The following MNAT1 variants were observed in gnomAD, a reference collection of about 807,000 sequenced individuals.
MNAT1 encodes CDK-activating kinase assembly factor MAT1.
A neutral mutation model predicts 42.0 loss-of-function variants in MNAT1; 43 were observed. The ratio of observed to expected loss-of-function variants is 1.02; its 90% CI spans 0.80 to 1.32. MNAT1 has a LOEUF of 1.32. Ranked by LOEUF, MNAT1 falls within the 40% of genes most tolerant of loss-of-function variation. The pLI is 0.00. For missense variants in MNAT1, 306 were observed against 350.4 expected, an observed-to-expected ratio of 0.87 and a Z score of 1.01; for synonymous variants, 118 against 120.0, an observed-to-expected ratio of 0.98 and a Z score of 0.11.
Position 60,740,275 on chromosome 14 carries a change from G to A in MNAT1, c.89+5324G>A, listed in dbSNP as rs1896427358. 6.6e-6 allele frequency among the ~76,000 whole-genome samples: 1 copy of A among 152,182 alleles called. No homozygotes were observed. Among genetic ancestry groups the A allele is most frequent in the South Asian group, 2.1e-4 (1 of 4,826 alleles). Reference sequence around the variant, plus strand: ...CAAAGTACAAGATAAGCAAAATCAAGTACCTACCATCTTGATATATAAAGG... The same window carrying A: ...CAAAGTACAAGATAAGCAAAATCAAATACCTACCATCTTGATATATAAAGG... On this transcript the variant is annotated intron_variant, in intron 1 of 7. Transcript: ENST00000261245. The surrounding 1 kb of genome is among the most constrained non-coding windows in gnomAD (Gnocchi z 4.1).
chr14:60,909,231 T>A (rs1160300288), intron 7 of MNAT1, among the ~76,000 whole-genome samples: 1 of 152,202 alleles, frequency 6.6e-6, no homozygotes, highest in Non-Finnish European at 1.5e-5. Flanking sequence ...TAGCCCTTTG[T>A]CAGATGAGTA....
At chr14:60,782,252 T>TG (rs1453004124) in intron 1 of MNAT1, among the ~76,000 whole-genome samples, 6 of 152,156 alleles carry the variant, frequency 3.9e-5, no homozygotes, top group South Asian at 4.1e-4. Flanking sequence ...GGGGACCATT[T>TG]GAGGCCATTT....
intron 7 of MNAT1, among the ~76,000 whole-genome samples, chr14:60,911,466 T>TA (rs2035361638): frequency 6.6e-6 from 1 of 152,226 alleles, no homozygotes; most frequent in Admixed American, 6.5e-5. Context: ...CACTTAGTGC[T>TA]ATAAAGTTCC....
At chr14:60,848,455 A>C (rs2139412913) in intron 6 of MNAT1, among the ~76,000 whole-genome samples, 1 of 152,310 alleles carries the variant, frequency 6.6e-6, no homozygotes, top group East Asian at 1.9e-4. Flanking sequence ...TGTTTTAAAA[A>C]TAGTTACAGC....
intron 7 of MNAT1, among the ~76,000 whole-genome samples, chr14:60,908,577 G>T (rs1034619761): frequency 6.6e-6 from 1 of 151,830 alleles, no homozygotes; most frequent in Non-Finnish European, 1.5e-5. Context: ...GCGGTGTTTG[G>T]TTTTTTGTCC....
chr14:60,859,460 A>C (rs1307579203), intron 6 of MNAT1, among the ~76,000 whole-genome samples: 1 of 152,192 alleles, frequency 6.6e-6, no homozygotes, highest in East Asian at 1.9e-4. Context: ...GTCATTGTGA[A>C]AGATGTTAGT....
At chr14:60,780,051 C>G in intron 1 of MNAT1, 1 of 1,498,540 alleles carries the variant, frequency 6.7e-7, no homozygotes, top group South Asian at 1.1e-5. Context: ...GAGTTCTTCT[C>G]ATTCGGCATC....
At chr14:60,798,059 T>C (rs755060734) in intron 2 of MNAT1, 28 bp from the exon 3 acceptor site, 2 of 1,071,864 alleles carry the variant, frequency 1.9e-6, no homozygotes, top group South Asian at 1.3e-5. Flanking sequence ...ATATGTAATA[T>C]GTAGATTTCT....
chr14:60,848,121 C>G (rs924365777), intron 6 of MNAT1, among the ~76,000 whole-genome samples: 5 of 152,146 alleles, frequency 3.3e-5, no homozygotes, highest in Admixed American at 6.5e-5. Flanking sequence ...ATTCCTCAGT[C>G]TTTACCTGGG....
At chr14:60,843,748 TTTTC>T (rs1157121387) in intron 6 of MNAT1, among the ~76,000 whole-genome samples, 1 of 152,192 alleles carries the variant, frequency 6.6e-6, no homozygotes, top group African/African-American at 2.4e-5. Flanking sequence ...GTGGCTCACT[TTTTC>T]TTTTTCTTAG....
intron 7 of MNAT1, among the ~76,000 whole-genome samples, chr14:60,931,804 G>C (rs1008610730): frequency 5.9e-5 from 9 of 151,866 alleles, no homozygotes; most frequent in Non-Finnish European, 1.3e-4. Flanking sequence ...ACTCTGAAAA[G>C]AGCTGCTTAA....
chr14:60,798,060 G>A, intron 2 of MNAT1, 27 bp from the exon 3 acceptor site: 3 of 1,092,894 alleles, frequency 2.7e-6, no homozygotes, highest in Non-Finnish European at 4.2e-6. Context: ...TATGTAATAT[G>A]TAGATTTCTT....
intron 1 of MNAT1, among the ~76,000 whole-genome samples, chr14:60,758,824 AC>A (rs1343644969): frequency 6.6e-6 from 1 of 152,124 alleles, no homozygotes; most frequent in African/African-American, 2.4e-5. Context: ...GTTTTGGTTG[AC>A]CTTAAAAATG....
intron 7 of MNAT1, among the ~76,000 whole-genome samples, chr14:60,910,770 T>C (rs189501312): frequency 6.6e-6 from 1 of 152,322 alleles, no homozygotes; most frequent in African/African-American, 2.4e-5. Flanking sequence ...CTCAAGGATA[T>C]TGGTCTAAAA....
At chr14:60,942,186 A>T (rs918313829) in intron 7 of MNAT1, among the ~76,000 whole-genome samples, 9 of 152,136 alleles carry the variant, frequency 5.9e-5, no homozygotes, top group Non-Finnish European at 7.3e-5. Flanking sequence ...ATAAATGATT[A>T]CCGTTAAGTT....
In MNAT1 at chr14:60,797,314, T is replaced by C. The variant is rs114719080; in HGVS notation, c.243-773T>C. Among the ~76,000 whole-genome samples the C allele has an allele frequency of 3.4e-3, 523 of 152,280 alleles. 3 individuals carry two copies. Among genetic ancestry groups the C allele is most frequent in the African/African-American group, 0.012 (508 of 41,578 alleles). On this transcript the variant is annotated intron_variant, in intron 2 of 7. Transcript: ENST00000261245. The stretch of plus-strand genomic sequence containing the variant: ...AATTCCTTGCAATTTACTGATTCTT[T>C]ACAGGTACATTACAATATATACAGA...
intron 7 of MNAT1, among the ~76,000 whole-genome samples, chr14:60,911,974 C>CT (rs1734869342): frequency 6.6e-6 from 1 of 152,080 alleles, no homozygotes; most frequent in South Asian, 2.1e-4. Context: ...TTCTAGGTCT[C>CT]TAAGGACTTG....
chr14:60,816,562 C>G (rs887019207), intron 5 of MNAT1, among the ~76,000 whole-genome samples: 2 of 152,002 alleles, frequency 1.3e-5, no homozygotes, highest in Admixed American at 6.6e-5. Context: ...ACAGGCAGTT[C>G]TTACTAAAAT....
At position 60,954,825 on chromosome 14, in the gene MNAT1, A is replaced by G. The variant is rs182571963; in HGVS notation, c.810-13404A>G. ...TTAAAGGAAAAGCTTTCAACTTTTA[A>G]CAGTTTAGTGTGATGTTAGCTATCG... On this transcript the variant is annotated intron_variant, in intron 7 of 7. Transcript: ENST00000261245. Among the ~76,000 whole-genome samples, 26 of 152,266 alleles carry G rather than the reference A, an allele frequency of 1.7e-4. No individual in the cohort carries two copies. The East Asian group carries it at 5.0e-3, about 29-fold the overall frequency.
Sources: allele counts gnomAD v4.1 joint callset (sites outside exome capture counted in the v4.1 genomes callset), GRCh38; gene constraint gnomAD v4.1.1; non-coding constraint Gnocchi (gnomAD v3.1); transcripts MANE v1.5; gene names NCBI Gene and HGNC (gene_info 2026-07-23, HGNC 2026-07-21).